Variants in SPSB4 observed in about 807,000 individuals in gnomAD.
SPSB4 encodes the protein SPRY domain-containing SOCS box protein 4.
SPSB4 carries 21 observed loss-of-function variants against 20.9 expected under a neutral mutation model. The ratio of observed to expected loss-of-function variants is 1.01; its 90% CI spans 0.71 to 1.45. The LOEUF (loss-of-function observed/expected upper bound fraction) is 1.45. Among genes scored for constraint, SPSB4 ranks in the 40% most tolerant of loss-of-function variants. SPSB4 has a pLI of 0.00. For synonymous variants in SPSB4, 207 were observed against 183.8 expected, an observed-to-expected ratio of 1.13 and a Z score of -1.02; for missense variants, 399 against 399.2, an observed-to-expected ratio of 1.00 and a Z score of 0.00.
At chr3:141,116,347 C>G (rs139006813) in intron 2 of SPSB4, among the ~76,000 whole-genome samples, 459 of 152,360 alleles carry the variant, frequency 3.0e-3, no homozygotes, top group African/African-American at 0.01. Context: ...TGCTGCCCCC[C>G]ACTAGGCAGG....
In SPSB4 at chr3:141,089,309, C is replaced by T. The variant is rs79936903; in HGVS notation, c.694+22511C>T. ...TTGCAGCCACAAAGATTGGCCAAAA[C>T]GGTTCCAGCCCATACGTCCAGCAGG... On this transcript the variant is annotated intron_variant, in intron 2 of 2. Transcript: ENST00000310546. Among the ~76,000 whole-genome samples, 19 of 152,294 alleles carry T rather than the reference C, an allele frequency of 1.2e-4. 1 individual carries two copies. The East Asian group carries it at 3.3e-3, about 26-fold the overall frequency.
Position 141,123,930 on chromosome 3 carries a change from G to C in SPSB4, c.695-23212G>C, listed in dbSNP as rs1236697475. On this transcript the variant is annotated intron_variant, in intron 2 of 2. Transcript: ENST00000310546. ...AAGTTAAACACAGTCAGACTTTCTG[G>C]GACAATTTTAAGCTGAGTTAGGAGT... is the stretch of plus-strand genomic sequence containing the variant. The C allele has an allele frequency of 3.3e-5, 5 of 152,266 alleles. No individual in the cohort carries two copies. In the South Asian group the frequency reaches 8.3e-4, roughly 25 times the overall value. The allele number at this position is 152,266 out of a possible 1,614,324, so 9.4% of individuals were successfully genotyped here.
chr3:141,110,936 A>C (rs1358095515), intron 2 of SPSB4, among the ~76,000 whole-genome samples: 1 of 152,248 alleles, frequency 6.6e-6, no homozygotes, highest in Non-Finnish European at 1.5e-5. Flanking sequence ...GTGGCAGAGC[A>C]GGGATTTGAA....
intron 2 of SPSB4, among the ~76,000 whole-genome samples, chr3:141,144,218 C>T (rs1939377432): frequency 6.6e-6 from 1 of 152,174 alleles, no homozygotes; most frequent in Non-Finnish European, 1.5e-5. Flanking sequence ...TTTAGTCTTC[C>T]TTGTTGGTAT....
intron 2 of SPSB4, among the ~76,000 whole-genome samples, chr3:141,072,236 G>A (rs750686167): frequency 6.6e-6 from 1 of 152,254 alleles, no homozygotes; most frequent in Non-Finnish European, 1.5e-5. Context: ...TCCCCAAGTG[G>A]TTATGAAGTT....
chr3:141,091,004 T>C (rs1938440894), intron 2 of SPSB4, among the ~76,000 whole-genome samples: 1 of 152,012 alleles, frequency 6.6e-6, no homozygotes, highest in Admixed American at 6.5e-5. Context: ...AACTCCATGG[T>C]TTTGGGCCCA....
chr3:141,112,667 A>AAAAAAC, intron 2 of SPSB4, among the ~76,000 whole-genome samples: 1 of 149,986 alleles, frequency 6.7e-6, no homozygotes, highest in Non-Finnish European at 1.5e-5. Flanking sequence ...AAAAAAAAAA[A>AAAAAAC]AAGACAGAAG....
chr3:141,124,466 C>T (rs72983836), intron 2 of SPSB4, among the ~76,000 whole-genome samples: 1,926 of 152,260 alleles, frequency 0.013, 37 homozygotes, highest in African/African-American at 0.044. Flanking sequence ...CACTCACAGG[C>T]CTCTGCCTAG....
chr3:141,102,557 G>C (rs1237267789), intron 2 of SPSB4, among the ~76,000 whole-genome samples: 1 of 152,062 alleles, frequency 6.6e-6, no homozygotes, highest in Admixed American at 6.6e-5. Flanking sequence ...ATTCTAGGCA[G>C]CAGCAGCAGC....
chr3:141,128,111 G>A (rs1400634885), intron 2 of SPSB4, among the ~76,000 whole-genome samples: 2 of 152,224 alleles, frequency 1.3e-5, no homozygotes. Context: ...TCCCTGAGGG[G>A]AAATAATGGT....
At chr3:141,108,242 A>C (rs907020341) in intron 2 of SPSB4, among the ~76,000 whole-genome samples, 4 of 152,146 alleles carry the variant, frequency 2.6e-5, no homozygotes, top group Non-Finnish European at 5.9e-5. Flanking sequence ...ACAGAGAGGC[A>C]GCCAAGGTGA....
chr3:141,062,923 T>A (rs1158314606), intron 1 of SPSB4, among the ~76,000 whole-genome samples: 2 of 150,142 alleles, frequency 1.3e-5, no homozygotes, highest in Non-Finnish European at 2.9e-5. Context: ...GGTTTTTCTA[T>A]GTCTTTACTT....
At chr3:141,132,108 G>GT (rs2107804769) in intron 2 of SPSB4, 1 of 322,044 alleles carries the variant, frequency 3.1e-6, no homozygotes, top group East Asian at 1.4e-4. Context: ...TACTCAATGT[G>GT]TAGTCTTTTA....
chr3:141,080,150 G>A (rs1938201103), intron 2 of SPSB4: 1 of 152,232 alleles, frequency 6.6e-6, no homozygotes, highest in African/African-American at 2.4e-5. Flanking sequence ...CTTTGGTTGA[G>A]GTGGATATGG....
chr3:141,104,550 G>C (rs902079137), intron 2 of SPSB4, among the ~76,000 whole-genome samples: 4 of 152,172 alleles, frequency 2.6e-5, no homozygotes, highest in African/African-American at 9.7e-5. Flanking sequence ...TTAGATTCTG[G>C]AAGTCTGTGG....
intron 2 of SPSB4, among the ~76,000 whole-genome samples, chr3:141,131,237 A>G (rs12107162): frequency 0.27 from 41,518 of 151,994 alleles, 7,260 homozygotes; most frequent in African/African-American, 0.48. Context: ...GGGAGCAGAA[A>G]CTAGGATTCC....
At chr3:141,105,807 T>G (rs375009724) in intron 2 of SPSB4, among the ~76,000 whole-genome samples, 5 of 152,378 alleles carry the variant, frequency 3.3e-5, no homozygotes, top group African/African-American at 1.2e-4. Context: ...ATTAAAGTTT[T>G]AAATGCTTAC....
chr3:141,112,715 C>A (rs1938822449), intron 2 of SPSB4, among the ~76,000 whole-genome samples: 1 of 151,352 alleles, frequency 6.6e-6, no homozygotes, highest in Non-Finnish European at 1.5e-5. Context: ...TTTCCCTCTG[C>A]CTGCTGACTG....
chr3:141,066,854 A>C, intron 2 of SPSB4, 56 bp downstream of exon 2: 1 of 1,471,768 alleles, frequency 6.8e-7, no homozygotes, highest in South Asian at 1.5e-5. Flanking sequence ...GCCCTAGGGA[A>C]GCTGGGCAGG....
Sources: gnomAD v4.1 joint callset for allele counts (sites outside exome capture counted in the v4.1 genomes callset) on GRCh38, gnomAD v4.1.1 for gene constraint, MANE v1.5 for transcripts, NCBI Gene and HGNC (gene_info 2026-07-23, HGNC 2026-07-21) for gene names.